The following TMEFF2 variants were observed in gnomAD, a reference collection of about 807,000 sequenced individuals.
TMEFF2 encodes transmembrane protein with EGF like and two follistatin like domains 2.
Under a neutral mutation model 53.8 loss-of-function variants are expected in TMEFF2, and 28 were observed. That is an observed-to-expected ratio of 0.52 (90% CI 0.39 to 0.71). TMEFF2 has a LOEUF of 0.71. Ranked by LOEUF, TMEFF2 falls within the 30% of genes least tolerant of loss-of-function variation. TMEFF2 has a pLI of 0.00. For missense variants in TMEFF2, 353 were observed against 455.2 expected, an observed-to-expected ratio of 0.78 and a Z score of 2.04; for synonymous variants, 162 against 166.3, an observed-to-expected ratio of 0.97 and a Z score of 0.20.
intron 4 of TMEFF2, among the ~76,000 whole-genome samples, chr2:192,113,150 AAG>A (rs762751631): frequency 9.8e-5 from 15 of 152,318 alleles, no homozygotes; most frequent in Non-Finnish European, 2.1e-4. Context: ...TATTATGAAT[AAG>A]AGTATTTGTT....
chr2:192,056,484 CAAAG>C (rs1457822830), intron 5 of TMEFF2, among the ~76,000 whole-genome samples: 5 of 152,074 alleles, frequency 3.3e-5, no homozygotes, highest in Non-Finnish European at 1.5e-5. Context: ...TATCATGACA[CAAAG>C]AACTCCCTCA....
intron 7 of TMEFF2, among the ~76,000 whole-genome samples, chr2:191,967,905 C>G (rs567078620): frequency 1.3e-5 from 2 of 152,274 alleles, no homozygotes; most frequent in East Asian, 3.9e-4. Flanking sequence ...CTTCCTTACC[C>G]TTCGTAGTCA....
chr2:192,146,595 A>C (rs190999583), intron 4 of TMEFF2, among the ~76,000 whole-genome samples: 15 of 151,878 alleles, frequency 9.9e-5, no homozygotes, highest in Non-Finnish European at 1.9e-4. Context: ...TGAATATCCT[A>C]TTTTCTGAAT....
intron 4 of TMEFF2, among the ~76,000 whole-genome samples, chr2:192,124,475 A>G (rs1048277814): frequency 1.3e-5 from 2 of 152,170 alleles, no homozygotes. Context: ...GAAGTGATGG[A>G]TGCTCCATTC....
intron 5 of TMEFF2, among the ~76,000 whole-genome samples, chr2:192,010,290 A>G (rs1194537442): frequency 2.0e-5 from 3 of 152,172 alleles, no homozygotes; most frequent in Non-Finnish European, 4.4e-5. Flanking sequence ...GCTCCGAGAG[A>G]GGACTGTGTG....
At chr2:192,168,028 C>T (rs920064161) in intron 4 of TMEFF2, among the ~76,000 whole-genome samples, 4 of 152,114 alleles carry the variant, frequency 2.6e-5, no homozygotes, top group African/African-American at 7.2e-5. Context: ...TGAGTCTTTA[C>T]TTTCAGTCTG....
intron 7 of TMEFF2, among the ~76,000 whole-genome samples, chr2:191,997,018 T>C (rs1686238832): frequency 6.6e-6 from 1 of 151,974 alleles, no homozygotes; most frequent in Admixed American, 6.6e-5. Context: ...TTAAATATTT[T>C]ATAATGAACA....
At chr2:192,070,978 T>C (rs1371346085) in intron 4 of TMEFF2, among the ~76,000 whole-genome samples, 1 of 151,768 alleles carries the variant, frequency 6.6e-6, no homozygotes, top group East Asian at 1.9e-4. Flanking sequence ...TGACACGGGG[T>C]CACTTCAGGG....
chr2:192,018,251 G>C (rs556256306), intron 5 of TMEFF2, among the ~76,000 whole-genome samples: 2 of 152,242 alleles, frequency 1.3e-5, no homozygotes, highest in African/African-American at 4.8e-5. Flanking sequence ...AAACTCACTT[G>C]AGATAGCCAG....
chr2:192,061,685 A>G (rs1432739171), intron 4 of TMEFF2, among the ~76,000 whole-genome samples: 1 of 152,094 alleles, frequency 6.6e-6, no homozygotes, highest in Non-Finnish European at 1.5e-5. Context: ...GTAATCCTCA[A>G]TGTTGGAGGT....
Position 191,998,304 on chromosome 2 carries a change from T to A in TMEFF2, c.703A>T (p.Thr235Ser). ...GRCQDNTTTT[T>S]KSEDGHYART... ...GCATAATGCCCATCTTCAGACTTAGTAGTTGTAGTTGTGTTATCTGTGTTA... is the reference window on the plus strand; with the variant it reads ...GCATAATGCCCATCTTCAGACTTAGAAGTTGTAGTTGTGTTATCTGTGTTA... Residue 235 changes from threonine to serine, a missense_variant, in exon 7 of 10, where the codon ACT becomes TCT. By Grantham distance (58) the Thr-to-Ser change is moderately conservative. This residue lies in a region of TMEFF2 where 294 missense variants were observed against 397.3 expected (regional missense o/e 0.74). Transcript: ENST00000272771. 1 of 1,599,076 alleles carries A rather than the reference T, an allele frequency of 6.3e-7. No homozygotes were observed. Among genetic ancestry groups the A allele is most frequent in the Non-Finnish European group, 8.5e-7 (1 of 1,173,334 alleles).
At chr2:192,158,536 G>T (rs1690560041) in intron 4 of TMEFF2, among the ~76,000 whole-genome samples, 1 of 152,042 alleles carries the variant, frequency 6.6e-6, no homozygotes, top group African/African-American at 2.4e-5. Flanking sequence ...ATTTACATCA[G>T]AATATCACAA....
chr2:192,128,388 A>G (rs1574397685), intron 4 of TMEFF2, among the ~76,000 whole-genome samples: 2 of 152,222 alleles, frequency 1.3e-5, no homozygotes, highest in South Asian at 4.1e-4. Flanking sequence ...TGTAGCCTTC[A>G]AATTTACTTT....
intron 4 of TMEFF2, among the ~76,000 whole-genome samples, chr2:192,157,661 T>G (rs1690538744): frequency 6.6e-6 from 1 of 152,002 alleles, no homozygotes; most frequent in Admixed American, 6.6e-5. Flanking sequence ...ATTTATTTGT[T>G]TCTACCGTCC....
chr2:192,003,250 T>C (rs1574282792), intron 5 of TMEFF2, among the ~76,000 whole-genome samples: 1 of 152,168 alleles, frequency 6.6e-6, no homozygotes, highest in Non-Finnish European at 1.5e-5. Flanking sequence ...ATAAGAAAAT[T>C]GAGACTTGGA....
chr2:192,115,103 C>G (rs538563447), intron 4 of TMEFF2, among the ~76,000 whole-genome samples: 8 of 151,840 alleles, frequency 5.3e-5, no homozygotes, highest in African/African-American at 1.9e-4. Context: ...CCATATGGAG[C>G]CACAAAAGTT....
At position 192,089,399 on chromosome 2, in the gene TMEFF2, ATTT is replaced by A. The variant is rs899421500; in HGVS notation, c.440-31627_440-31625del. Among the ~76,000 whole-genome samples the A allele has an allele frequency of 2.2e-4, 33 of 152,168 alleles. 1 individual carries two copies. Among genetic ancestry groups the A allele is most frequent in the African/African-American group, 6.7e-4 (28 of 41,520 alleles). On this transcript the variant is annotated intron_variant, in intron 4 of 9. Coordinates refer to ENST00000272771, the MANE Select transcript of TMEFF2 (RefSeq NM_016192.4). ...AATATTGCTCTCTAGGCAGCAGATA[ATTT>A]TGCTCTTGAAATTCTGTGATAACTC...
intron 4 of TMEFF2, among the ~76,000 whole-genome samples, chr2:192,174,162 G>A (rs186666964): frequency 1.3e-5 from 2 of 151,772 alleles, no homozygotes; most frequent in Non-Finnish European, 1.5e-5. Flanking sequence ...TACACACAAT[G>A]ATTAACTTTC....
intron 7 of TMEFF2, among the ~76,000 whole-genome samples, chr2:191,969,407 C>T (rs562917492): frequency 1.3e-5 from 2 of 152,030 alleles, no homozygotes; most frequent in Admixed American, 1.3e-4. Flanking sequence ...AGGTAAGGTG[C>T]AATATGGCAG....
Sources: gnomAD v4.1 joint callset for allele counts (sites outside exome capture counted in the v4.1 genomes callset) on GRCh38, gnomAD v4.1.1 for gene constraint, gnomAD v4.1.1 regional missense constraint, MANE v1.5 for transcripts, NCBI Gene and HGNC (gene_info 2026-07-23, HGNC 2026-07-21) for gene names.